The following KNTC1 variants were observed in gnomAD, a reference collection of about 807,000 sequenced individuals.
The protein encoded by KNTC1 is kinetochore associated 1.
In KNTC1, 253 loss-of-function variants were observed where a neutral mutation model predicts 314.4. The ratio of observed to expected loss-of-function variants is 0.80; its 90% CI spans 0.73 to 0.89. The LOEUF is 0.89. KNTC1 is among the 40% of genes least tolerant of loss of function. KNTC1 has a pLI of 0.00. For missense variants in KNTC1, 2,475 were observed against 2,572.9 expected (o/e 0.96, Z 0.82); for synonymous variants, 901 against 901.4 (o/e 1.00, Z 0.01).
chr12:122,566,577 T>C (rs1353786232), intron 20 of KNTC1, among the ~76,000 whole-genome samples: 1 of 151,676 alleles, frequency 6.6e-6, no homozygotes, highest in African/African-American at 2.4e-5. Context: ...GTCTGGCTAA[T>C]TTTTGTAGTT....
chr12:122,606,578 A>ATGTTTACC (rs1057369955), intron 51 of KNTC1, among the ~76,000 whole-genome samples: 4 of 152,020 alleles, frequency 2.6e-5, no homozygotes, highest in Non-Finnish European at 5.9e-5. Context: ...TCAGTTGATG[A>ATGTTTACC]TTTCAGATGC....
chr12:122,562,337 T>G (rs1306842860), intron 19 of KNTC1, among the ~76,000 whole-genome samples: 1 of 152,104 alleles, frequency 6.6e-6, no homozygotes, highest in Non-Finnish European at 1.5e-5. Flanking sequence ...CCATAAGAAT[T>G]TAGAAATCAG....
intron 20 of KNTC1, among the ~76,000 whole-genome samples, chr12:122,565,212 C>A (rs1429078593): frequency 6.8e-6 from 1 of 147,956 alleles, no homozygotes; most frequent in Non-Finnish European, 1.5e-5. Context: ...TTTCTCCTTA[C>A]ATCCTTGGTC....
At chr12:122,587,926 G>C (rs1565990412) in intron 39 of KNTC1, 52 bp downstream of exon 39, 1 of 1,484,708 alleles carries the variant, frequency 6.7e-7, no homozygotes, top group Non-Finnish European at 9.1e-7. Flanking sequence ...AGATGTAAAA[G>C]CGCTAACAGA....
At chr12:122,594,799 C>T (rs995974218) in intron 43 of KNTC1, among the ~76,000 whole-genome samples, 3 of 152,172 alleles carry the variant, frequency 2.0e-5, no homozygotes, top group African/African-American at 7.2e-5. Flanking sequence ...GCAAAGTAAT[C>T]TTAAAAATTA....
intron 44 of KNTC1, among the ~76,000 whole-genome samples, chr12:122,600,705 G>T (rs1030086589): frequency 1.3e-4 from 19 of 147,794 alleles, no homozygotes; most frequent in Non-Finnish European, 2.5e-4. Context: ...TGGTTCTTTT[G>T]TTCAGCCTGG....
At chr12:122,610,676 G>A in intron 52 of KNTC1, 146 bp from the exon 53 acceptor site, 2 of 592,842 alleles carry the variant, frequency 3.4e-6, no homozygotes, top group South Asian at 2.2e-5. Context: ...CTTTAAAGGG[G>A]GAAGCGCAAA....
chr12:122,565,372 G>A (rs905233725), intron 20 of KNTC1, among the ~76,000 whole-genome samples: 3 of 151,318 alleles, frequency 2.0e-5, no homozygotes, highest in Admixed American at 1.3e-4. Context: ...CTCCTGCCTC[G>A]GCCTCCCAAA....
intron 3 of KNTC1, among the ~76,000 whole-genome samples, chr12:122,537,522 G>A (rs570524427): frequency 6.6e-6 from 1 of 151,784 alleles, no homozygotes; most frequent in East Asian, 1.9e-4. Flanking sequence ...GGGTTCAAGC[G>A]ATTCTCCTGT....
chr12:122,576,123 G>T (rs371322234), intron 29 of KNTC1, among the ~76,000 whole-genome samples: 7 of 152,080 alleles, frequency 4.6e-5, no homozygotes, highest in African/African-American at 1.7e-4. Context: ...GCAATGGCGC[G>T]ATCTCGGCTC....
intron 4 of KNTC1, 126 bp from the exon 5 acceptor site, chr12:122,539,550 A>C (rs1962119993): frequency 3.3e-5 from 21 of 629,438 alleles, no homozygotes; most frequent in Middle Eastern, 4.6e-4. Flanking sequence ...TTTTAAAAGT[A>C]AGATGTTTAG....
At chr12:122,611,020 G>A in intron 53 of KNTC1, 120 bp downstream of exon 53, 1 of 715,340 alleles carries the variant, frequency 1.4e-6, no homozygotes, top group South Asian at 1.7e-5. Flanking sequence ...ACGTACATAT[G>A]TATTCAAAGT....
intron 44 of KNTC1, among the ~76,000 whole-genome samples, chr12:122,600,038 G>A (rs1346908944): frequency 6.6e-6 from 1 of 151,870 alleles, no homozygotes; most frequent in African/African-American, 2.4e-5. Context: ...AAGGAAAAAA[G>A]TAATGGTGTG....
chr12:122,541,970 G>T, intron 5 of KNTC1, 80 bp from the exon 6 acceptor site: 1 of 1,359,718 alleles, frequency 7.4e-7, no homozygotes, highest in Admixed American at 3.1e-5. Flanking sequence ...AGCCGAGATC[G>T]CGCTGCTGCA....
At chr12:122,584,125 A>G (rs1261432538) in intron 34 of KNTC1, among the ~76,000 whole-genome samples, 153 bp from the exon 35 acceptor site, 2 of 152,168 alleles carry the variant, frequency 1.3e-5, no homozygotes, top group Non-Finnish European at 2.9e-5. Flanking sequence ...GCCTGTCTCA[A>G]AAAAACAAAA....
At position 122,557,448 on chromosome 12, in the gene KNTC1, G is replaced by C. The variant is rs1270327866; in HGVS notation, c.1337G>C (p.Ser446Thr). ...CTGGCATTGAGTTCTGTGGATGCCA[G>C]TGAACAGACCGAATGGCAACAACTT... ...EKLALSSVDA[S>T]EQTEWQQLVD... The change falls in exon 17 of 64, where the codon AGT becomes ACT. Residue 446 changes from serine to threonine, a missense_variant. Transcript: ENST00000333479. 4.3e-6 allele frequency: 7 copies of C among 1,613,658 alleles called. No individual in the cohort carries two copies. In the South Asian group the frequency reaches 6.6e-5, roughly 15 times the overall value.
intron 57 of KNTC1, among the ~76,000 whole-genome samples, chr12:122,616,482 C>T (rs141898886): frequency 0.018 from 2,813 of 152,202 alleles, 94 homozygotes; most frequent in African/African-American, 0.064. Context: ...AGGATGGTCT[C>T]GATCTCCTGA....
intron 1 of KNTC1, 39 bp from the exon 2 acceptor site, chr12:122,529,952 C>CT (rs369200326): frequency 1.7e-6 from 2 of 1,180,576 alleles, no homozygotes; most frequent in African/African-American, 3.1e-5. Flanking sequence ...TGTGAGTAAG[C>CT]TTTATCATTT....
rs758365537 is a variant in KNTC1 at position 122,603,181 on chromosome 12, CT to C, written c.5040del (p.Ile1681Ter). On this transcript the variant is annotated frameshift_variant, in exon 48 of 64. Transcript: ENST00000333479. LOFTEE classifies it high-confidence loss of function. ...ITQTIESCLL[S>X]IVNPEWAVAI... ...CAGACCATCGAATCCTGCTTACTCTCTATAGTCAACCCAGAGTGGGCTGTAG... is the reference window on the plus strand; with the variant it reads ...CAGACCATCGAATCCTGCTTACTCTCATAGTCAACCCAGAGTGGGCTGTAG... 1.9e-6 allele frequency: 3 copies of C among 1,613,114 alleles called. No homozygotes were observed. In the African/African-American group the frequency reaches 4.0e-5, roughly 22 times the overall value.
Sources: allele counts gnomAD v4.1 joint callset (sites outside exome capture counted in the v4.1 genomes callset), GRCh38; gene constraint gnomAD v4.1.1; transcripts MANE v1.5; gene names NCBI Gene and HGNC (gene_info 2026-07-23, HGNC 2026-07-21).